Variants in PKNOX2 observed in about 807,000 individuals in gnomAD.
PKNOX2 encodes the protein PBX/knotted 1 homeobox 2.
PKNOX2 carries 14 observed loss-of-function variants against 53.1 expected under a neutral mutation model. The ratio of observed to expected loss-of-function variants is 0.26; its 90% CI spans 0.17 to 0.41. PKNOX2 has a LOEUF of 0.41. Among genes scored for constraint, PKNOX2 ranks in the 10% least tolerant of loss-of-function variants. The pLI is 1.00. For synonymous variants in PKNOX2, 257 were observed against 242.8 expected, an observed-to-expected ratio of 1.06 and a Z score of -0.54; for missense variants, 496 against 602.8, an observed-to-expected ratio of 0.82 and a Z score of 1.85.
rs1407944935 is a variant in PKNOX2 at position 125,189,435 on chromosome 11, G to A, written c.-201+24659G>A. ...TATATGTGTGTGTGTGTGTGTGTGT[G>A]TGTGTGTGTGTGTATATATATATAT... On this transcript the variant is annotated intron_variant, in intron 1 of 12. Coordinates refer to ENST00000298282, the MANE Select transcript of PKNOX2 (RefSeq NM_001382323.2). Among the ~76,000 whole-genome samples, 133 of 79,570 alleles carry A rather than the reference G, an allele frequency of 1.7e-3. 1 individual carries two copies. The highest frequency in any genetic ancestry group is 5.5e-3 in the African/African-American group (108 of 19,472). 52.2% of individuals were successfully genotyped at this position (79,570 alleles called of 152,430 possible).
At chr11:125,200,922 AG>A (rs992673568) in intron 1 of PKNOX2, among the ~76,000 whole-genome samples, 3 of 152,198 alleles carry the variant, frequency 2.0e-5, no homozygotes, top group South Asian at 2.1e-4. Context: ...CCTCATGGGC[AG>A]GGGGTCTCTG....
At chr11:125,358,342 AAAGGG>A (rs368118738) in intron 4 of PKNOX2, among the ~76,000 whole-genome samples, 2 of 152,330 alleles carry the variant, frequency 1.3e-5, no homozygotes, top group African/African-American at 4.8e-5. Context: ...GACTATTACA[AAAGGG>A]AAGGATCTTC....
intron 5 of PKNOX2, among the ~76,000 whole-genome samples, chr11:125,381,346 AACCCTGACTGCTCAGTCCTCAG>A (rs1243500049): frequency 6.6e-6 from 1 of 152,086 alleles, no homozygotes; most frequent in African/African-American, 2.4e-5. Context: ...CCTGCCCTCC[AACCCTGACTGCTCAGTCCTCAG>A]GTTGCAGAGC....
intron 4 of PKNOX2, among the ~76,000 whole-genome samples, chr11:125,357,625 G>A (rs1208064682): frequency 6.6e-6 from 1 of 152,172 alleles, no homozygotes; most frequent in Non-Finnish European, 1.5e-5. Flanking sequence ...TGCTCTGCCT[G>A]CCTTTCGCAC....
chr11:125,214,626 C>T (rs192892549), intron 1 of PKNOX2, among the ~76,000 whole-genome samples: 53 of 152,210 alleles, frequency 3.5e-4, no homozygotes, highest in Admixed American at 2.0e-3. Flanking sequence ...CTGAGGTCTG[C>T]GTCCTGCTGT....
intron 7 of PKNOX2, among the ~76,000 whole-genome samples, chr11:125,402,336 T>A (rs1269899679): frequency 2.0e-5 from 3 of 152,098 alleles, no homozygotes; most frequent in African/African-American, 7.2e-5. Context: ...AGGAGACTGG[T>A]TCTAGACCCT....
At chr11:125,234,422 G>A (rs144475003) in intron 1 of PKNOX2, among the ~76,000 whole-genome samples, 2 of 152,174 alleles carry the variant, frequency 1.3e-5, no homozygotes, top group Non-Finnish European at 2.9e-5. Flanking sequence ...CTCAGAAAGA[G>A]AATTAAAAGC....
chr11:125,270,259 G>A (rs571012219), intron 2 of PKNOX2, among the ~76,000 whole-genome samples: 7 of 152,276 alleles, frequency 4.6e-5, no homozygotes, highest in South Asian at 2.1e-4. Context: ...CCTACAAACC[G>A]AATGACTGGC....
intron 2 of PKNOX2, among the ~76,000 whole-genome samples, chr11:125,276,352 G>T (rs189760472): frequency 6.6e-6 from 1 of 152,304 alleles, no homozygotes. Flanking sequence ...GGAGGGACTT[G>T]GGTCAAGGGA....
rs183282257 is a variant in PKNOX2 at position 125,349,790 on chromosome 11, G to A, written c.-22-1494G>A. 2.0e-5 allele frequency among the ~76,000 whole-genome samples: 3 copies of A among 150,904 alleles called. No individual in the cohort carries two copies. In the East Asian group the frequency reaches 5.9e-4, roughly 30 times the overall value. On this transcript the variant is annotated intron_variant, in intron 3 of 12. Coordinates refer to ENST00000298282, the MANE Select transcript of PKNOX2 (RefSeq NM_001382323.2). ...CTTGGTATCTTGGAGACTCAGGTCA[G>A]GTCAGAGTAGATCTTACTTCCACTT...
At chr11:125,323,406 C>G (rs957624603) in intron 2 of PKNOX2, among the ~76,000 whole-genome samples, 2 of 152,156 alleles carry the variant, frequency 1.3e-5, no homozygotes, top group African/African-American at 2.4e-5. Flanking sequence ...ATTTCATTTC[C>G]CTTCCTTGTT....
chr11:125,387,713 G>A (rs1202665747), intron 6 of PKNOX2, among the ~76,000 whole-genome samples: 3 of 152,164 alleles, frequency 2.0e-5, no homozygotes, highest in Non-Finnish European at 2.9e-5. Context: ...TCAGGCACTG[G>A]GCTGGGAGTG....
At position 125,177,372 on chromosome 11, in the gene PKNOX2, GT is replaced by G. The variant is rs1003094466; in HGVS notation, c.-201+12597del. ...GCTATAAATCCACGATTACACGGAT[GT>G]GAAAAGGAAAGCCAGTGGCCTCCTG... is the stretch of plus-strand genomic sequence containing the variant. On this transcript the variant is annotated intron_variant, in intron 1 of 12. Transcript: ENST00000298282. Among the ~76,000 whole-genome samples, 14 of 152,342 alleles carry G rather than the reference GT, an allele frequency of 9.2e-5. No individual in the cohort carries two copies. In the East Asian group the frequency reaches 2.5e-3, roughly 27 times the overall value.
intron 2 of PKNOX2, among the ~76,000 whole-genome samples, chr11:125,313,988 G>T (rs1475705540): frequency 6.6e-6 from 1 of 152,196 alleles, no homozygotes; most frequent in Admixed American, 6.5e-5. Flanking sequence ...CACAATGCCA[G>T]GCACACAAGT....
At chr11:125,215,309 G>T (rs759346509) in intron 1 of PKNOX2, among the ~76,000 whole-genome samples, 1 of 152,104 alleles carries the variant, frequency 6.6e-6, no homozygotes, top group Non-Finnish European at 1.5e-5. Flanking sequence ...AGGACTGTGA[G>T]TTAGGAGAAT....
intron 10 of PKNOX2, among the ~76,000 whole-genome samples, chr11:125,418,271 A>G (rs1955993731): frequency 6.6e-6 from 1 of 152,082 alleles, no homozygotes; most frequent in Non-Finnish European, 1.5e-5. Context: ...AGGACAATGT[A>G]TCAGTACTTC....
intron 10 of PKNOX2, among the ~76,000 whole-genome samples, chr11:125,427,339 T>G (rs1485486573): frequency 6.6e-6 from 1 of 152,208 alleles, no homozygotes; most frequent in Non-Finnish European, 1.5e-5. Context: ...CCAGCTGCCT[T>G]GGCATGGTGG....
At chr11:125,293,948 A>G (rs1010807612) in intron 2 of PKNOX2, among the ~76,000 whole-genome samples, 2 of 152,138 alleles carry the variant, frequency 1.3e-5, no homozygotes, top group African/African-American at 4.8e-5. Flanking sequence ...TTCTCCCAAC[A>G]TTGATTGAAG....
At chr11:125,351,724 G>A (rs1320888754) in intron 4 of PKNOX2, among the ~76,000 whole-genome samples, 1 of 152,052 alleles carries the variant, frequency 6.6e-6, no homozygotes, top group Non-Finnish European at 1.5e-5. Context: ...ATCCACAGTG[G>A]GGGAGACCCA....
Sources: gnomAD v4.1 joint callset for allele counts (sites outside exome capture counted in the v4.1 genomes callset) on GRCh38, gnomAD v4.1.1 for gene constraint, MANE v1.5 for transcripts, NCBI Gene and HGNC (gene_info 2026-07-23, HGNC 2026-07-21) for gene names.